The following FCGRT variants were observed in gnomAD, a reference collection of about 807,000 sequenced individuals.
FCGRT encodes Fc gamma receptor and transporter.
A neutral mutation model predicts 35.7 loss-of-function variants in FCGRT; 13 were observed. That is an observed-to-expected ratio of 0.36 (90% CI 0.24 to 0.58). The LOEUF (loss-of-function observed/expected upper bound fraction) is 0.58. Ranked by LOEUF, FCGRT falls within the 20% of genes least tolerant of loss-of-function variation. The pLI, the probability that FCGRT is intolerant of heterozygous loss-of-function variation, is 0.77. For missense variants in FCGRT, 455 were observed against 474.9 expected (o/e 0.96, Z 0.39); for synonymous variants, 233 against 216.5 (o/e 1.08, Z -0.67).
chr19:49,523,153 C>G lies in FCGRT; in HGVS notation c.602-1354C>G, dbSNP rs1372683475. Among the ~76,000 whole-genome samples, 2 of 152,072 alleles carry G rather than the reference C, an allele frequency of 1.3e-5. 1 individual carries two copies. The highest frequency in any genetic ancestry group is 4.1e-4 in the South Asian group (2 of 4,826). The stretch of plus-strand genomic sequence containing the variant: ...AAAATATGCTGGGAGAGTGTTTCCT[C>G]TGTTTTATGGCCTGAAGAGTTAGTG... On this transcript the variant is annotated intron_variant, in intron 4 of 6. Transcript: ENST00000221466.
chr19:49,516,281 C>T lies in FCGRT; in HGVS notation c.601+1795C>T, dbSNP rs182987961. On this transcript the variant is annotated intron_variant, in intron 4 of 6. Coordinates refer to ENST00000221466, the MANE Select transcript of FCGRT (RefSeq NM_001136019.3). ...TTTTGAGACAGAGTTTCGCTCTTGTCGCCCAGGCTGGAGTGCAATGGCGCG... is the reference window on the plus strand; with the variant it reads ...TTTTGAGACAGAGTTTCGCTCTTGTTGCCCAGGCTGGAGTGCAATGGCGCG... 4.8e-4 allele frequency: 193 copies of T among 400,510 alleles called. 1 individual carries two copies. The highest frequency in any genetic ancestry group is 5.4e-4 in the Non-Finnish European group (110 of 202,638). 24.8% of individuals were successfully genotyped at this position (400,510 alleles called of 1,614,324 possible). A position where few individuals can be genotyped will look rare whatever the true frequency, so the allele number is the denominator to read the frequency against.
chr19:49,515,523 C>T (rs934201939), intron 4 of FCGRT, among the ~76,000 whole-genome samples: 1 of 152,060 alleles, frequency 6.6e-6, no homozygotes, highest in Non-Finnish European at 1.5e-5. Context: ...TCAAGTGATC[C>T]ACCCACCTCC....
intron 2 of FCGRT, 92 bp from the exon 3 acceptor site, chr19:49,513,790 C>G: frequency 1.1e-6 from 1 of 920,824 alleles, no homozygotes; most frequent in South Asian, 1.8e-5. Flanking sequence ...CCCCTCCCTC[C>G]ATAATAGATT....
intron 4 of FCGRT, among the ~76,000 whole-genome samples, chr19:49,516,854 C>T (rs1311306806): frequency 1.3e-5 from 2 of 151,782 alleles, no homozygotes; most frequent in African/African-American, 4.8e-5. Flanking sequence ...CCACTCCTGG[C>T]TTAAGGAGGG....
chr19:49,520,314 C>T (rs1300667781), intron 4 of FCGRT, among the ~76,000 whole-genome samples: 2 of 149,436 alleles, frequency 1.3e-5, no homozygotes, highest in East Asian at 2.0e-4. Flanking sequence ...ATTTTTAGTA[C>T]AGACAGGGTT....
At chr19:49,520,345 G>GCTTT in intron 4 of FCGRT, among the ~76,000 whole-genome samples, 1 of 135,260 alleles carries the variant, frequency 7.4e-6, no homozygotes, top group East Asian at 2.1e-4. Context: ...GGCCAGGATG[G>GCTTT]ATTTTTTTTT....
At chr19:49,512,811 A>G in intron 1 of FCGRT, 61 bp downstream of exon 1, 1 of 93,502 alleles carries the variant, frequency 1.1e-5, no homozygotes, top group Non-Finnish European at 2.2e-5. Context: ...CCTGGGTCTG[A>G]GGGAGGAGTG....
chr19:49,520,130 C>CTT (rs952631701), intron 4 of FCGRT, among the ~76,000 whole-genome samples: 27 of 99,500 alleles, frequency 2.7e-4, no homozygotes, highest in East Asian at 1.5e-3. Flanking sequence ...CGCGCCCGGG[C>CTT]TTTTTTTTTT....
rs766606741 is a variant in FCGRT at position 49,524,688 on chromosome 19, G to T, written c.783G>T (p.Ser261=). 4.6e-5 allele frequency: 74 copies of T among 1,603,488 alleles called. 2 individuals carry two copies. The South Asian group carries it at 7.7e-4, about 17-fold the overall frequency. ...GTGACGGATCCTTCCACGCCTCGTC[G>T]TCACTAACAGTCAAAAGTGGCGATG... The part of the protein sequence containing the change: ...PNSDGSFHAS[S]SLTVKSGDEH... Residue 261 remains serine (S), a synonymous_variant, in exon 5 of 7, where the codon TCG becomes TCT. Transcript: ENST00000221466.
Position 49,524,740 on chromosome 19 carries a change from C to T in FCGRT, c.835C>T (p.His279Tyr). The change falls in exon 5 of 7, where the codon CAC becomes TAC. Residue 279 changes from histidine to tyrosine, a missense_variant. Physicochemically the swap from His to Tyr is moderately conservative, Grantham distance 83. This residue lies in a region of FCGRT where 312 missense variants were observed against 296.1 expected (regional missense o/e 1.05). Transcript: ENST00000221466. ...GCACCACTACTGCTGCATTGTGCAG[C>T]ACGCGGGGCTGGCGCAGCCCCTCAG... is the stretch of plus-strand genomic sequence containing the variant. ...DEHHYCCIVQHAGLAQPLRVE... is the reference protein window; with the variant it reads ...DEHHYCCIVQYAGLAQPLRVE... 6.2e-7 allele frequency: 1 copy of T among 1,601,578 alleles called. No individual in the cohort carries two copies. Among genetic ancestry groups the T allele is most frequent in the Non-Finnish European group, 8.5e-7 (1 of 1,179,898 alleles).
intron 4 of FCGRT, among the ~76,000 whole-genome samples, chr19:49,517,132 A>G (rs551174229): frequency 1.1e-4 from 17 of 152,218 alleles, no homozygotes; most frequent in Admixed American, 1.0e-3. Context: ...TTGAGGCTGT[A>G]GTGAACTGAT....
At chr19:49,523,395 C>T (rs1442776922) in intron 4 of FCGRT, among the ~76,000 whole-genome samples, 5 of 151,946 alleles carry the variant, frequency 3.3e-5, no homozygotes, top group South Asian at 2.1e-4. Flanking sequence ...GGTGAAACAC[C>T]GTCTCTACTA....
At chr19:49,519,458 C>T (rs2080027629) in intron 4 of FCGRT, among the ~76,000 whole-genome samples, 1 of 152,120 alleles carries the variant, frequency 6.6e-6, no homozygotes, top group African/African-American at 2.4e-5. Context: ...TTTTGATTTA[C>T]AGGTTTCCCA....
rs1255459883 is a variant in FCGRT at position 49,514,299 on chromosome 19, G to A, written c.414G>A (p.Glu138=). 1 of 1,613,128 alleles carries A rather than the reference G, an allele frequency of 6.2e-7. No homozygotes were observed. The highest frequency in any genetic ancestry group is 2.2e-5 in the East Asian group (1 of 44,846). ...CCGCCAAGTTCGCCCTGAACGGCGAGGAGTTCATGAATTTCGACCTCAAGC... is the reference window on the plus strand; with the variant it reads ...CCGCCAAGTTCGCCCTGAACGGCGAAGAGTTCATGAATTTCGACCTCAAGC... ...VPTAKFALNG[E]EFMNFDLKQG... is the part of the protein sequence containing the mutation. Residue 138 remains glutamate (E), a synonymous_variant, in exon 4 of 7, where the codon GAG becomes GAA. Coordinates refer to ENST00000221466, the MANE Select transcript of FCGRT (RefSeq NM_001136019.3).
At chr19:49,523,110 A>G (rs2080052209) in intron 4 of FCGRT, among the ~76,000 whole-genome samples, 1 of 152,056 alleles carries the variant, frequency 6.6e-6, no homozygotes, top group Non-Finnish European at 1.5e-5. Context: ...TTTGTTGTCA[A>G]GATGATGCTG....
Position 49,514,467 on chromosome 19 carries a change from C to A in FCGRT, c.582C>A (p.Arg194=), listed in dbSNP as rs2878342. The A allele has an allele frequency of 6.4e-7, 1 of 1,553,258 alleles. No homozygotes were observed. Among genetic ancestry groups the A allele is most frequent in the Admixed American group, 1.8e-5 (1 of 54,328 alleles). ...HRLREHLERG[R]GNLEWKEPPS... ...TGCGGGAGCACCTGGAGAGGGGCCGCGGAAACCTGGAGTGGAAGGGTGAGC... is the reference window on the plus strand; with the variant it reads ...TGCGGGAGCACCTGGAGAGGGGCCGAGGAAACCTGGAGTGGAAGGGTGAGC... Residue 194 remains arginine (R), a synonymous_variant, in exon 4 of 7, where the codon CGC becomes CGA. Transcript: ENST00000221466.
intron 4 of FCGRT, among the ~76,000 whole-genome samples, chr19:49,517,639 T>TC (rs1214881861): frequency 2.6e-5 from 4 of 152,040 alleles, no homozygotes; most frequent in African/African-American, 9.7e-5. Flanking sequence ...CTCACTCACT[T>TC]CCCCACCCCA....
At chr19:49,513,791 A>G in intron 2 of FCGRT, 91 bp from the exon 3 acceptor site, 1 of 862,968 alleles carries the variant, frequency 1.2e-6, no homozygotes. Context: ...CCCTCCCTCC[A>G]TAATAGATTC....
At chr19:49,525,251 A>G in intron 5 of FCGRT, 1 of 566,526 alleles carries the variant, frequency 1.8e-6, no homozygotes, top group East Asian at 3.3e-5. Context: ...TGCCGGTGTG[A>G]CCGCGGCCGC....
Sources: allele counts gnomAD v4.1 joint callset (sites outside exome capture counted in the v4.1 genomes callset), GRCh38; gene constraint gnomAD v4.1.1; regional missense constraint gnomAD v4.1.1; transcripts MANE v1.5; gene names NCBI Gene and HGNC (gene_info 2026-07-23, HGNC 2026-07-21).